ADAMTSL1: variants seen among roughly 807,000 people sequenced by gnomAD.
The protein encoded by ADAMTSL1 is ADAMTS like 1.
In ADAMTSL1, 126 loss-of-function variants were observed where a neutral mutation model predicts 201.8. That is an observed-to-expected ratio of 0.62 (90% CI 0.54 to 0.72). The LOEUF is 0.72. ADAMTSL1 is among the 30% of genes least tolerant of loss of function. The pLI is 0.00. For synonymous variants in ADAMTSL1, 1,121 were observed against 903.4 expected (o/e 1.24, Z -4.32); for missense variants, 2,679 against 2,277.8 (o/e 1.18, Z -3.59).
chr9:18,781,863 C>A (rs1004387069), intron 19 of ADAMTSL1, among the ~76,000 whole-genome samples: 1 of 152,178 alleles, frequency 6.6e-6, no homozygotes, highest in Non-Finnish European at 1.5e-5. Context: ...TCTGTTATTT[C>A]TTTGCTTTTA....
chr9:18,567,159 C>A (rs1043943169), intron 3 of ADAMTSL1, among the ~76,000 whole-genome samples: 2 of 152,154 alleles, frequency 1.3e-5, no homozygotes, highest in African/African-American at 2.4e-5. Context: ...AGTTTGAAAA[C>A]CACTGCTTTA....
chr9:18,012,066 A>T (rs1043503050), intron 1 of ADAMTSL1, among the ~76,000 whole-genome samples: 2 of 151,994 alleles, frequency 1.3e-5, no homozygotes, highest in Non-Finnish European at 2.9e-5. Context: ...AGAGAAAGAA[A>T]CAGGTTTGCC....
At chr9:18,187,823 G>C (rs1183346163) in intron 2 of ADAMTSL1, among the ~76,000 whole-genome samples, 1 of 152,122 alleles carries the variant, frequency 6.6e-6, no homozygotes, top group African/African-American at 2.4e-5. Context: ...TGCTAATTCA[G>C]AGACATATTT....
At chr9:17,923,283 T>G (rs543129339) in intron 1 of ADAMTSL1, among the ~76,000 whole-genome samples, 131 of 149,988 alleles carry the variant, frequency 8.7e-4, no homozygotes, top group Non-Finnish European at 1.4e-3. Flanking sequence ...GCATGGAATG[T>G]TCTTCCATTT....
intron 16 of ADAMTSL1, among the ~76,000 whole-genome samples, chr9:18,755,968 A>C (rs1158811549): frequency 2.0e-5 from 3 of 150,912 alleles, no homozygotes; most frequent in Non-Finnish European, 4.4e-5. Flanking sequence ...ACAAGAAATA[A>C]AGAACATAGA....
intron 7 of ADAMTSL1, among the ~76,000 whole-genome samples, chr9:18,648,705 G>C (rs564110368): frequency 6.6e-6 from 1 of 152,052 alleles, no homozygotes; most frequent in Non-Finnish European, 1.5e-5. Flanking sequence ...TAAGAATGTT[G>C]AATATTGGTC....
intron 1 of ADAMTSL1, among the ~76,000 whole-genome samples, chr9:17,940,695 T>G (rs1429102888): frequency 8.6e-6 from 1 of 116,808 alleles, no homozygotes; most frequent in Non-Finnish European, 1.7e-5. Flanking sequence ...ACTTTTAGGG[T>G]ACATGTGCAT....
chr9:18,172,322 C>A (rs1587221076), intron 2 of ADAMTSL1, among the ~76,000 whole-genome samples: 1 of 151,530 alleles, frequency 6.6e-6, no homozygotes, highest in South Asian at 2.1e-4. Flanking sequence ...ATGAACAGCC[C>A]AATAGAAAAA....
intron 2 of ADAMTSL1, among the ~76,000 whole-genome samples, chr9:18,256,530 G>C (rs1831694241): frequency 1.3e-5 from 2 of 152,198 alleles, no homozygotes; most frequent in African/African-American, 2.4e-5. Flanking sequence ...CTAGATGTTA[G>C]ATGATGTTTT....
At chr9:18,412,625 T>C (rs577578438) in intron 2 of ADAMTSL1, among the ~76,000 whole-genome samples, 3 of 152,340 alleles carry the variant, frequency 2.0e-5, no homozygotes, top group East Asian at 1.9e-4. Flanking sequence ...GGTTGTGGTT[T>C]TGCGTTTTTG....
chr9:18,525,314 T>TATTTG, intron 2 of ADAMTSL1, among the ~76,000 whole-genome samples: 1 of 152,322 alleles, frequency 6.6e-6, no homozygotes, highest in Non-Finnish European at 1.5e-5. Flanking sequence ...TTATTGCATC[T>TATTTG]ATTTGATTCT....
At chr9:18,557,243 G>T (rs1821160959) in intron 3 of ADAMTSL1, among the ~76,000 whole-genome samples, 1 of 151,928 alleles carries the variant, frequency 6.6e-6, no homozygotes, top group Non-Finnish European at 1.5e-5. Flanking sequence ...AATGGTCAGG[G>T]TTAGAGTTTA....
intron 5 of ADAMTSL1, among the ~76,000 whole-genome samples, chr9:18,626,740 C>T (rs370286806): frequency 2.0e-5 from 3 of 152,178 alleles, no homozygotes; most frequent in South Asian, 2.1e-4. Flanking sequence ...ATGGCTTGGA[C>T]TGTACCAGTA....
intron 5 of ADAMTSL1, among the ~76,000 whole-genome samples, chr9:18,632,085 G>A (rs151163420): frequency 1.7e-3 from 266 of 152,228 alleles, no homozygotes; most frequent in Admixed American, 3.7e-3. Context: ...CCCCTGCCTC[G>A]CCAGCTATAC....
chr9:18,682,107 C>G (rs1375742131), intron 12 of ADAMTSL1, 148 bp downstream of exon 12: 1 of 950,344 alleles, frequency 1.1e-6, no homozygotes, highest in African/African-American at 1.7e-5. Context: ...ATTTGATTAT[C>G]TTAAAGAATC....
At chr9:18,549,002 CAG>C (rs1255047275) in intron 3 of ADAMTSL1, among the ~76,000 whole-genome samples, 2 of 151,668 alleles carry the variant, frequency 1.3e-5, no homozygotes, top group Non-Finnish European at 1.5e-5. Context: ...TTAAGAGATA[CAG>C]AGAGTGTACA....
At chr9:18,026,380 C>T (rs916097619) in intron 1 of ADAMTSL1, among the ~76,000 whole-genome samples, 1 of 151,976 alleles carries the variant, frequency 6.6e-6, no homozygotes, top group South Asian at 2.1e-4. Flanking sequence ...AAGCATTTTC[C>T]TTCAATGGCT....
intron 2 of ADAMTSL1, among the ~76,000 whole-genome samples, chr9:18,182,086 T>A (rs1268745919): frequency 4.9e-5 from 7 of 142,746 alleles, no homozygotes; most frequent in Admixed American, 3.9e-4. Context: ...GGAATTGAGC[T>A]ATGAGAACTC....
chr9:18,905,982 T>C (rs1048005563), intron 27 of ADAMTSL1, 91 bp downstream of exon 27: 1 of 1,171,222 alleles, frequency 8.5e-7, no homozygotes, highest in Non-Finnish European at 1.2e-6. Flanking sequence ...CCAACTAACT[T>C]ACCACAGTCC....
Sources: gnomAD v4.1 joint callset for allele counts (sites outside exome capture counted in the v4.1 genomes callset) on GRCh38, gnomAD v4.1.1 for gene constraint, MANE v1.5 for transcripts, NCBI Gene and HGNC (gene_info 2026-07-23, HGNC 2026-07-21) for gene names.